The following SLC25A33 variants were observed in gnomAD, a reference collection of about 807,000 sequenced individuals.
SLC25A33 encodes bone marrow stromal cell mitochondrial carrier protein.
A neutral mutation model predicts 35.5 loss-of-function variants in SLC25A33; 15 were observed. The ratio of observed to expected loss-of-function variants is 0.42; its 90% CI spans 0.28 to 0.65. SLC25A33 has a LOEUF of 0.65. Ranked by LOEUF, SLC25A33 falls within the 30% of genes least tolerant of loss-of-function variation. The pLI, the probability that SLC25A33 is intolerant of heterozygous loss-of-function variation, is 0.20. For missense variants in SLC25A33, 257 were observed against 398.5 expected (o/e 0.64, Z 3.02); for synonymous variants, 136 against 148.7 (o/e 0.91, Z 0.62).
intron 2 of SLC25A33, among the ~76,000 whole-genome samples, chr1:9,562,483 T>G (rs1289743713): frequency 6.6e-6 from 1 of 152,150 alleles, no homozygotes; most frequent in Non-Finnish European, 1.5e-5. Context: ...GGGCCTGGGC[T>G]TAACACCTGT....
chr1:9,542,836 G>A (rs1001835330), intron 1 of SLC25A33, among the ~76,000 whole-genome samples: 24 of 152,054 alleles, frequency 1.6e-4, no homozygotes, highest in East Asian at 3.9e-4. Flanking sequence ...TTTTTGAGAC[G>A]GAGCCTCACT....
In SLC25A33 at chr1:9,584,972, C is replaced by G. The variant is rs189655186; in HGVS notation, c.*2471C>G. ...CCAGAAGCGATCTTACCTCCTCAGC[C>G]TCCCAAAGCACTGGAATTACAGAGT... is the stretch of plus-strand genomic sequence containing the variant. On this transcript the variant is annotated 3_prime_UTR_variant, in exon 7 of 7. Coordinates refer to ENST00000302692, the MANE Select transcript of SLC25A33 (RefSeq NM_032315.3). 25 of 152,326 alleles carry G rather than the reference C, an allele frequency of 1.6e-4. No individual in the cohort carries two copies. In the East Asian group the frequency reaches 4.6e-3, roughly 28 times the overall value. 9.4% of individuals were successfully genotyped at this position (152,326 alleles called of 1,614,324 possible). A position where few individuals can be genotyped will look rare whatever the true frequency, so the allele number is the denominator to read the frequency against.
intron 2 of SLC25A33, among the ~76,000 whole-genome samples, chr1:9,555,301 G>A (rs1643325721): frequency 6.6e-6 from 1 of 151,758 alleles, no homozygotes; most frequent in African/African-American, 2.4e-5. Flanking sequence ...TGTATTTTTA[G>A]TAGAGACGGG....
chr1:9,542,498 T>C (rs540319736), intron 1 of SLC25A33, among the ~76,000 whole-genome samples: 30 of 152,288 alleles, frequency 2.0e-4, no homozygotes, highest in African/African-American at 7.2e-4. Flanking sequence ...TATTTTACTT[T>C]CTGTTAGGGA....
chr1:9,548,710 C>A (rs1322320202), intron 1 of SLC25A33, among the ~76,000 whole-genome samples: 1 of 152,170 alleles, frequency 6.6e-6, no homozygotes, highest in Non-Finnish European at 1.5e-5. Flanking sequence ...TTTGGAGATT[C>A]CTTGTCTAAA....
intron 1 of SLC25A33, among the ~76,000 whole-genome samples, chr1:9,550,778 T>C (rs1007650657): frequency 6.6e-6 from 1 of 151,912 alleles, no homozygotes. Context: ...TCTTAAGCCA[T>C]CCTCCCACGT....
chr1:9,579,829 T>G, intron 5 of SLC25A33, 125 bp from the exon 6 acceptor site: 1 of 1,142,780 alleles, frequency 8.8e-7, no homozygotes, highest in South Asian at 1.6e-5. Context: ...CTATGAGAGT[T>G]AGGAGCCAGG....
At chr1:9,544,920 A>C (rs1392138281) in intron 1 of SLC25A33, among the ~76,000 whole-genome samples, 1 of 152,212 alleles carries the variant, frequency 6.6e-6, no homozygotes, top group Non-Finnish European at 1.5e-5. Flanking sequence ...TAAAAAGCAC[A>C]ATTCTGTGTG....
intron 5 of SLC25A33, among the ~76,000 whole-genome samples, chr1:9,575,367 A>T (rs1643648073): frequency 6.6e-6 from 1 of 152,116 alleles, no homozygotes; most frequent in Non-Finnish European, 1.5e-5. Flanking sequence ...CTGTAATCCC[A>T]GCACTTTGGG....
At chr1:9,565,896 A>G (rs1309995629) in intron 2 of SLC25A33, among the ~76,000 whole-genome samples, 1 of 151,460 alleles carries the variant, frequency 6.6e-6, no homozygotes, top group African/African-American at 2.4e-5. Context: ...AAAAACAAAG[A>G]AAAGAAAATG....
chr1:9,572,202 T>C (rs527457838), intron 4 of SLC25A33, among the ~76,000 whole-genome samples: 10 of 152,344 alleles, frequency 6.6e-5, no homozygotes, highest in African/African-American at 2.4e-4. Flanking sequence ...AGCCCTTTAC[T>C]TAAAGATAGG....
chr1:9,569,466 A>G (rs574725920), intron 3 of SLC25A33, among the ~76,000 whole-genome samples: 62 of 152,278 alleles, frequency 4.1e-4, no homozygotes, highest in Middle Eastern at 3.4e-3. Flanking sequence ...CTCACAGGCA[A>G]TGCTCCTACA....
At chr1:9,571,903 A>G (rs1311159392) in intron 4 of SLC25A33, among the ~76,000 whole-genome samples, 8 of 152,140 alleles carry the variant, frequency 5.3e-5, no homozygotes, top group Non-Finnish European at 1.2e-4. Flanking sequence ...AGCCTCCTAG[A>G]GTGCTGGGAT....
chr1:9,563,741 T>C (rs1643459578), intron 2 of SLC25A33, among the ~76,000 whole-genome samples: 1 of 152,088 alleles, frequency 6.6e-6, no homozygotes. Flanking sequence ...GACAGAGTCC[T>C]GCTCTGTTGC....
At chr1:9,564,760 A>G (rs1643478632) in intron 2 of SLC25A33, among the ~76,000 whole-genome samples, 1 of 141,182 alleles carries the variant, frequency 7.1e-6, no homozygotes, top group South Asian at 2.2e-4. Flanking sequence ...ATATATATAT[A>G]TATATACACA....
intron 1 of SLC25A33, among the ~76,000 whole-genome samples, chr1:9,544,570 A>G (rs1389351520): frequency 6.6e-6 from 1 of 152,180 alleles, no homozygotes; most frequent in East Asian, 1.9e-4. Context: ...AGCCCAGGCA[A>G]TGCCAGGTTT....
At chr1:9,562,386 G>T (rs1345325052) in intron 2 of SLC25A33, among the ~76,000 whole-genome samples, 1 of 151,540 alleles carries the variant, frequency 6.6e-6, no homozygotes, top group Non-Finnish European at 1.5e-5. Context: ...CGTGGTGGCT[G>T]TTGTCTATAA....
chr1:9,576,460 A>G, intron 5 of SLC25A33: 1 of 415,808 alleles, frequency 2.4e-6, no homozygotes, highest in Non-Finnish European at 4.8e-6. Context: ...GACTGTTGTC[A>G]TTCCAGAAAA....
intron 2 of SLC25A33, chr1:9,556,238 C>T: frequency 2.0e-6 from 2 of 985,316 alleles, no homozygotes; most frequent in Non-Finnish European, 2.4e-6. Context: ...GTGCTTTGGA[C>T]ATAAGGAAAC....
Sources: gnomAD v4.1 joint callset for allele counts (sites outside exome capture counted in the v4.1 genomes callset) on GRCh38, gnomAD v4.1.1 for gene constraint, MANE v1.5 for transcripts, NCBI Gene and HGNC (gene_info 2026-07-23, HGNC 2026-07-21) for gene names.